TTC6: variants seen among roughly 807,000 people sequenced by gnomAD.
TTC6 encodes tetratricopeptide repeat domain 6.
In TTC6, 172 loss-of-function variants were observed where a neutral mutation model predicts 210.4. That is an observed-to-expected ratio of 0.82 (90% CI 0.72 to 0.93). TTC6 has a LOEUF of 0.93. Ranked by LOEUF, TTC6 falls within the 40% of genes least tolerant of loss-of-function variation. TTC6 has a pLI of 0.00. For synonymous variants in TTC6, 804 were observed against 819.6 expected (o/e 0.98, Z 0.32); for missense variants, 2,414 against 2,318.1 (o/e 1.04, Z -0.85).
chr14:37,818,897 C>T lies in TTC6; in HGVS notation c.4763+1246C>T, dbSNP rs78806955. Among the ~76,000 whole-genome samples, 1,210 of 152,132 alleles carry T rather than the reference C, an allele frequency of 8.0e-3. 7 individuals carry two copies. Among genetic ancestry groups the T allele is most frequent in the Non-Finnish European group, 0.013 (900 of 67,982 alleles). On this transcript the variant is annotated intron_variant, in intron 26 of 30. Coordinates refer to ENST00000553443, the Ensembl canonical transcript of TTC6. Reference sequence around the variant, plus strand: ...TGGGTGGGTGAAGACCAAAAGTGTCCGAGCTTGTTGCATTCTGTTAAAACT... The same window carrying T: ...TGGGTGGGTGAAGACCAAAAGTGTCTGAGCTTGTTGCATTCTGTTAAAACT...
intron 1 of TTC6, among the ~76,000 whole-genome samples, chr14:37,654,943 C>T (rs899230556): frequency 1.3e-5 from 2 of 152,190 alleles, no homozygotes; most frequent in African/African-American, 4.8e-5. Flanking sequence ...GAAGATTATA[C>T]TTTCCTGTTT....
intron 1 of TTC6, among the ~76,000 whole-genome samples, chr14:37,645,034 C>G (rs142894490): frequency 6.6e-6 from 1 of 152,170 alleles, no homozygotes; most frequent in East Asian, 1.9e-4. Flanking sequence ...GTTCTTAGTA[C>G]GTACTACTAC....
chr14:37,780,720 G>A (rs1353850478), intron 14 of TTC6, among the ~76,000 whole-genome samples: 1 of 152,076 alleles, frequency 6.6e-6, no homozygotes, highest in Non-Finnish European at 1.5e-5. Flanking sequence ...ATGGTGGTTT[G>A]CTGCACCCGT....
intron 14 of TTC6, among the ~76,000 whole-genome samples, chr14:37,786,538 G>T (rs564073469): frequency 5.5e-4 from 84 of 152,290 alleles, no homozygotes; most frequent in Non-Finnish European, 1.0e-3. Context: ...GCTTCCCTTG[G>T]CTAGGAAAGG....
In TTC6 at chr14:37,622,807, A is replaced by AGGGAGAACAGGAGAGCT; in HGVS notation, c.746_762dup (p.Pro255GlufsTer24). 6.5e-7 allele frequency: 1 copy of AGGGAGAACAGGAGAGCT among 1,534,114 alleles called. No individual in the cohort carries two copies. The highest frequency in any genetic ancestry group is 8.7e-7 in the Non-Finnish European group (1 of 1,145,886). On this transcript the variant is annotated frameshift_variant, in exon 1 of 31. Coordinates refer to ENST00000553443, the Ensembl canonical transcript of TTC6. LOFTEE classifies it high-confidence loss of function. ...CGGGAAGCGGCGGGGTTAGGAGCCCAGGGAGAACAGGAGAGCTGGCCGCCC... is the reference window on the plus strand; with the variant it reads ...CGGGAAGCGGCGGGGTTAGGAGCCCAGGGAGAACAGGAGAGCTGGGAGAACAGGAGAGCTGGCCGCCC...
chr14:37,688,675 A>G (rs2095798212), intron 3 of TTC6, among the ~76,000 whole-genome samples: 1 of 152,220 alleles, frequency 6.6e-6, no homozygotes, highest in Non-Finnish European at 1.5e-5. Flanking sequence ...CTAGTAATTC[A>G]GATAATTCTT....
chr14:37,753,065 TGTGA>T (rs1595199745), intron 13 of TTC6, 30 bp from the exon 16 acceptor site: 2 of 1,472,710 alleles, frequency 1.4e-6, no homozygotes, highest in African/African-American at 1.4e-5. Context: ...TTTTTCATTT[TGTGA>T]TGTTTATGTA....
Position 37,671,504 on chromosome 14 carries a change from G to A in TTC6, c.940-8647G>A, listed in dbSNP as rs568563426. Among the ~76,000 whole-genome samples the A allele has an allele frequency of 8.4e-4, 128 of 152,028 alleles. 1 individual carries two copies. The highest frequency in any genetic ancestry group is 1.6e-3 in the Non-Finnish European group (112 of 67,994). ...GTTTTTGTTGAACATCAGGATAGGT[G>A]AACACATATTAATTTGTTGAATTTT... is the stretch of plus-strand genomic sequence containing the variant. On this transcript the variant is annotated intron_variant, in intron 1 of 30. Transcript: ENST00000553443.
intron 1 of TTC6, among the ~76,000 whole-genome samples, chr14:37,644,756 T>C (rs1006697331): frequency 6.6e-6 from 1 of 152,182 alleles, no homozygotes; most frequent in South Asian, 2.1e-4. Flanking sequence ...AAGATTTTGT[T>C]ATGTGACACA....
chr14:37,793,693 A>G (rs185902256), intron 17 of TTC6, among the ~76,000 whole-genome samples: 19 of 152,338 alleles, frequency 1.2e-4, no homozygotes, highest in African/African-American at 4.1e-4. Flanking sequence ...CTCTGAGCAC[A>G]TAGAGAAATG....
chr14:37,614,370 A>G (rs1339708862), intron 2 of TTC6, among the ~76,000 whole-genome samples: 1 of 152,266 alleles, frequency 6.6e-6, no homozygotes, highest in East Asian at 1.9e-4. Context: ...TAGTTCCTTT[A>G]CCCACACCTA....
chr14:37,638,829 A>G (rs1019486680), intron 1 of TTC6, among the ~76,000 whole-genome samples: 1 of 152,176 alleles, frequency 6.6e-6, no homozygotes, highest in African/African-American at 2.4e-5. Context: ...TAAAAACTTT[A>G]ATTAAAGATG....
chr14:37,655,852 A>G (rs1182627531), intron 1 of TTC6, among the ~76,000 whole-genome samples: 1 of 151,342 alleles, frequency 6.6e-6, no homozygotes, highest in Admixed American at 6.6e-5. Context: ...TTAGACTTTT[A>G]ACCATCTCTC....
intron 1 of TTC6, among the ~76,000 whole-genome samples, chr14:37,630,783 A>G (rs999967634): frequency 1.3e-5 from 2 of 151,918 alleles, no homozygotes; most frequent in Admixed American, 1.3e-4. Context: ...GTGCATATAT[A>G]TTTAGAATAG....
At chr14:37,727,443 A>G (rs952849203) in intron 7 of TTC6, among the ~76,000 whole-genome samples, 19 of 151,220 alleles carry the variant, frequency 1.3e-4, no homozygotes, top group African/African-American at 3.6e-4. Context: ...ACAGGCGCAC[A>G]CCACCATGCC....
chr14:37,774,320 G>A (rs1169894202), intron 14 of TTC6, among the ~76,000 whole-genome samples: 1 of 152,024 alleles, frequency 6.6e-6, no homozygotes, highest in African/African-American at 2.4e-5. Context: ...GTGAGAGAGG[G>A]CATACTTGTC....
intron 3 of TTC6, among the ~76,000 whole-genome samples, chr14:37,690,951 AG>A (rs2095802461): frequency 6.6e-6 from 1 of 152,222 alleles, no homozygotes; most frequent in Non-Finnish European, 1.5e-5. Flanking sequence ...ATCATTCTCC[AG>A]GATAGACCAT....
chr14:37,664,312 G>A (rs1006881307), intron 1 of TTC6, among the ~76,000 whole-genome samples: 1 of 150,360 alleles, frequency 6.7e-6, no homozygotes, highest in Non-Finnish European at 1.5e-5. Flanking sequence ...ACACATAGAT[G>A]AATAGAACAG....
upstream of TTC6, among the ~76,000 whole-genome samples, chr14:37,620,923 C>T (rs2095650058): frequency 6.6e-6 from 1 of 152,222 alleles, no homozygotes; most frequent in African/African-American, 2.4e-5. Flanking sequence ...CAGATTCTTA[C>T]TTGTCCTGCC....
Sources: allele counts gnomAD v4.1 joint callset (sites outside exome capture counted in the v4.1 genomes callset), GRCh38; gene constraint gnomAD v4.1.1; transcripts MANE v1.5; gene names NCBI Gene and HGNC (gene_info 2026-07-23, HGNC 2026-07-21).